Variants in C4orf36 observed in about 807,000 individuals in gnomAD.
C4orf36 encodes uncharacterized protein C4orf36.
Under a neutral mutation model 12.2 loss-of-function variants are expected in C4orf36, and 11 were observed. The observed-to-expected ratio is 0.90, with a 90% CI of 0.57 to 1.49. The LOEUF (loss-of-function observed/expected upper bound fraction) is 1.49, where lower values mean the gene tolerates loss of function less well. Ranked by LOEUF, C4orf36 falls within the 40% of genes most tolerant of loss-of-function variation. The pLI is 0.00. For missense variants in C4orf36, 137 were observed against 133.9 expected, an observed-to-expected ratio of 1.02 and a Z score of -0.11; for synonymous variants, 54 against 51.3, an observed-to-expected ratio of 1.05 and a Z score of -0.22.
the C4orf36 span, among the ~76,000 whole-genome samples, chr4:86,920,824 T>C: frequency 6.6e-6 from 1 of 152,176 alleles, no homozygotes; most frequent in African/African-American, 2.4e-5. Context: ...AGTACTGTTG[T>C]ATTGGGGATT....
the C4orf36 span, chr4:86,933,219 T>C: frequency 6.6e-6 from 1 of 152,192 alleles, no homozygotes; most frequent in Non-Finnish European, 1.5e-5. Context: ...TCTTTTTAAA[T>C]AGCCAGTCAC....
At chr4:86,913,453 C>G in the C4orf36 span, 1 of 759,866 alleles carries the variant, frequency 1.3e-6, no homozygotes, top group East Asian at 2.6e-5. Context: ...GTCCATGTTG[C>G]AAAAGCATTC....
At chr4:86,891,988 T>C in intron 1 of C4orf36, 195 bp downstream of exon 1, 4 of 990,834 alleles carry the variant, frequency 4.0e-6, no homozygotes, top group Non-Finnish European at 4.8e-6. Flanking sequence ...CTTCCCAGGT[T>C]TTCCCTCATT....
chr4:86,887,984 T>C (rs534885341), intron 3 of C4orf36, 91 bp from the exon 4 acceptor site: 10 of 1,558,628 alleles, frequency 6.4e-6, no homozygotes, highest in Non-Finnish European at 7.9e-6. Context: ...AAAATCCATA[T>C]GCCTGAATAA....
the C4orf36 span, among the ~76,000 whole-genome samples, chr4:86,912,306 C>T: frequency 6.6e-6 from 1 of 152,202 alleles, no homozygotes; most frequent in Non-Finnish European, 1.5e-5. Context: ...CAGTCATGAG[C>T]CACTGTGCCC....
At chr4:86,893,309 G>A (rs1655065907), upstream of C4orf36, among the ~76,000 whole-genome samples, 1 of 152,208 alleles carries the variant, frequency 6.6e-6, no homozygotes, top group Non-Finnish European at 1.5e-5. Flanking sequence ...GATGGGCCGG[G>A]CGCGTGTCTC....
upstream of C4orf36, among the ~76,000 whole-genome samples, chr4:86,894,338 CGT>C (rs942077135): frequency 6.6e-6 from 1 of 152,052 alleles, no homozygotes; most frequent in Non-Finnish European, 1.5e-5. Context: ...TATACACATA[CGT>C]GTGTGTGTGC....
the C4orf36 span, among the ~76,000 whole-genome samples, chr4:86,924,260 T>C: frequency 6.6e-6 from 1 of 152,172 alleles, no homozygotes; most frequent in African/African-American, 2.4e-5. Context: ...AGTGCAGTGG[T>C]GTGATCTCAG....
chr4:86,917,839 T>C, the C4orf36 span, among the ~76,000 whole-genome samples: 3 of 150,694 alleles, frequency 2.0e-5, no homozygotes, highest in African/African-American at 4.9e-5. Context: ...CTTTACAGCA[T>C]GTTACTGTAC....
the C4orf36 span, among the ~76,000 whole-genome samples, chr4:86,930,902 C>T: frequency 6.6e-6 from 1 of 152,206 alleles, no homozygotes; most frequent in Non-Finnish European, 1.5e-5. Flanking sequence ...AGCAAGTTCA[C>T]ATTTGCATAT....
chr4:86,923,291 A>G, the C4orf36 span, among the ~76,000 whole-genome samples: 1 of 151,738 alleles, frequency 6.6e-6, no homozygotes, highest in Non-Finnish European at 1.5e-5. Context: ...GGGTCTCACT[A>G]TGTTGCCTAA....
chr4:86,914,391 C>CTTTT, the C4orf36 span: 544 of 327,494 alleles, frequency 1.7e-3, no homozygotes, highest in African/African-American at 3.7e-3. Flanking sequence ...CTTCTTCTTC[C>CTTTT]TTTTTTTTTT....
chr4:86,923,456 C>A, the C4orf36 span, among the ~76,000 whole-genome samples: 3 of 151,902 alleles, frequency 2.0e-5, no homozygotes, highest in South Asian at 2.1e-4. Flanking sequence ...TAGTTAGTAA[C>A]CTTTATATTA....
chr4:86,935,014 C>A, the C4orf36 span: 1 of 151,884 alleles, frequency 6.6e-6, no homozygotes, highest in Admixed American at 6.6e-5. Flanking sequence ...GCTTGCCAGC[C>A]AGCTAGCGAG....
At chr4:86,887,659 A>ACG in intron 4 of C4orf36, 99 bp downstream of exon 4, 1 of 1,472,334 alleles carries the variant, frequency 6.8e-7, no homozygotes, top group South Asian at 1.3e-5. Context: ...ACCAGTGGGC[A>ACG]TTCAAATATC....
the C4orf36 span, chr4:86,914,682 TGA>T: frequency 2.8e-6 from 1 of 359,596 alleles, no homozygotes; most frequent in Non-Finnish European, 5.4e-6. Flanking sequence ...ATTATAGGCG[TGA>T]GCCACAGCGC....
At chr4:86,931,450 G>A in the C4orf36 span, among the ~76,000 whole-genome samples, 10 of 152,060 alleles carry the variant, frequency 6.6e-5, no homozygotes. Context: ...CCAGGCTGGA[G>A]TGCAGTGGCA....
chr4:86,920,700 A>C, the C4orf36 span, among the ~76,000 whole-genome samples: 1 of 152,186 alleles, frequency 6.6e-6, no homozygotes, highest in Non-Finnish European at 1.5e-5. Context: ...TCACTTCTAT[A>C]ACCAAACCAC....
intron 3 of C4orf36, 33 bp downstream of exon 3, chr4:86,888,088 A>T (rs1045198562): frequency 6.2e-7 from 1 of 1,600,568 alleles, no homozygotes; most frequent in Middle Eastern, 1.7e-4. Flanking sequence ...CACTGAATTT[A>T]TAACTTATTA....
Sources: allele counts gnomAD v4.1 joint callset (sites outside exome capture counted in the v4.1 genomes callset), GRCh38; gene constraint gnomAD v4.1.1; transcripts MANE v1.5; gene names NCBI Gene and HGNC (gene_info 2026-07-23, HGNC 2026-07-21).